DYNLT1: variants seen among roughly 807,000 people sequenced by gnomAD.
DYNLT1 encodes dynein light chain Tctex-type 1.
A neutral mutation model predicts 19.6 loss-of-function variants in DYNLT1; 18 were observed. That is an observed-to-expected ratio of 0.92 (90% CI 0.64 to 1.36). DYNLT1 has a LOEUF of 1.36. Among genes scored for constraint, DYNLT1 ranks in the 40% most tolerant of loss-of-function variants. The pLI is 0.00. For synonymous variants in DYNLT1, 56 were observed against 44.0 expected (o/e 1.27, Z -1.07); for missense variants, 137 against 139.3 (o/e 0.98, Z 0.08).
rs1422401355 is a variant in DYNLT1, at chr6:158,641,366, AG to A, written c.28-7del. 6.3e-7 allele frequency: 1 copy of A among 1,592,588 alleles called. No homozygotes were observed. On this transcript the variant is annotated splice_region_variant and splice_polypyrimidine_tract_variant and intron_variant, in intron 1 of 4. Coordinates refer to ENST00000367089, the MANE Select transcript of DYNLT1 (RefSeq NM_006519.4). ...TCATCAACAACAAAAGCAGTCTGTAAGGAAGAACATTCAGTTAAGTTTGATT... is the reference window on the plus strand; with the variant it reads ...TCATCAACAACAAAAGCAGTCTGTAAGAAGAACATTCAGTTAAGTTTGATT...
In DYNLT1 at chr6:158,641,299, G is replaced by A. The variant is rs1383408342; in HGVS notation, c.69+20C>T. ...ATATAAGCCATTAAACATTTAAGAA[G>A]TGAGCATTTCTCCTCTTACCTCTTT... On this transcript the variant is annotated intron_variant, in intron 2 of 4. Transcript: ENST00000367089. 13 of 1,581,604 alleles carry A rather than the reference G, an allele frequency of 8.2e-6. No individual in the cohort carries two copies. Among genetic ancestry groups the A allele is most frequent in the African/African-American group, 1.4e-5 (1 of 72,906 alleles).
chr6:158,644,609 C>A (rs1787307455), intron 1 of DYNLT1, 73 bp downstream of exon 1: 1 of 1,585,396 alleles, frequency 6.3e-7, no homozygotes, highest in Non-Finnish European at 8.6e-7. Context: ...CAGGCCTTTC[C>A]GGGCAGGACC....
At position 158,643,588 on chromosome 6, in the gene DYNLT1, T is replaced by G. The variant is rs142799589; in HGVS notation, c.27+1094A>C. ...CCTCTGCCTCCCAGGTTCAAGGGAT[T>G]CTCCTGCCTCGGCCTCCCGAATAGC... On this transcript the variant is annotated intron_variant, in intron 1 of 4. Coordinates refer to ENST00000367089, the MANE Select transcript of DYNLT1 (RefSeq NM_006519.4). Among the ~76,000 whole-genome samples, 21 of 152,294 alleles carry G rather than the reference T, an allele frequency of 1.4e-4. 1 individual carries two copies. The East Asian group carries it at 4.1e-3, about 29-fold the overall frequency.
chr6:158,639,774 G>C (rs1056227658), intron 2 of DYNLT1, among the ~76,000 whole-genome samples: 1 of 152,062 alleles, frequency 6.6e-6, no homozygotes, highest in Non-Finnish European at 1.5e-5. Context: ...TCCATCTCCC[G>C]GGTTCAAGCG....
Position 158,637,841 on chromosome 6 carries a change from C to T in DYNLT1, c.123G>A (p.Gln41=). ...TTTGTTCTACTACATTTGTGGTCCACTGGTTCACTTTGCTGTGTTGATAAG... is the reference window on the plus strand; with the variant it reads ...TTTGTTCTACTACATTTGTGGTCCATTGGTTCACTTTGCTGTGTTGATAAG... ...GNAYQHSKVN[Q]WTTNVVEQTL... Residue 41 remains glutamine, a synonymous_variant, in exon 3 of 5, where the codon CAG becomes CAA. Coordinates refer to ENST00000367089, the MANE Select transcript of DYNLT1 (RefSeq NM_006519.4). 8.1e-6 allele frequency: 13 copies of T among 1,611,060 alleles called. No homozygotes were observed. The highest frequency in any genetic ancestry group is 1.1e-5 in the Non-Finnish European group (13 of 1,180,038).
chr6:158,637,679 G>T (rs181399074), intron 3 of DYNLT1, 92 bp downstream of exon 3: 1 of 1,603,286 alleles, frequency 6.2e-7, no homozygotes, highest in African/African-American at 1.3e-5. Flanking sequence ...CTTGAGTTGA[G>T]CCACGTTAGC....
At chr6:158,639,641 A>G (rs996951682) in intron 2 of DYNLT1, among the ~76,000 whole-genome samples, 3 of 152,160 alleles carry the variant, frequency 2.0e-5, no homozygotes, top group Non-Finnish European at 2.9e-5. Context: ...GTAACACTGC[A>G]ATGTCACCTC....
chr6:158,644,729 T>A lies in DYNLT1; in HGVS notation c.-21A>T. ...TCCATCTTTCCTCCGGCGCGTCCCC[T>A]CCGGCTCCCTGAGTGGCGCGGACTG... On this transcript the variant is annotated 5_prime_UTR_variant, in exon 1 of 5. Coordinates refer to ENST00000367089, the MANE Select transcript of DYNLT1 (RefSeq NM_006519.4). 1.2e-6 allele frequency: 2 copies of A among 1,609,348 alleles called. No homozygotes were observed. Among genetic ancestry groups the A allele is most frequent in the Non-Finnish European group, 8.5e-7 (1 of 1,179,532 alleles).
chr6:158,644,611 G>C lies in DYNLT1; in HGVS notation c.27+71C>G, dbSNP rs991412853. 1.1e-5 allele frequency: 18 copies of C among 1,590,776 alleles called. No individual in the cohort carries two copies. In the Admixed American group the frequency reaches 1.7e-4, roughly 15 times the overall value. On this transcript the variant is annotated intron_variant, in intron 1 of 4. Transcript: ENST00000367089. The stretch of plus-strand genomic sequence containing the variant: ...GGAGGTGGGCAGCCAGGCCTTTCCG[G>C]GCAGGACCGCGTGTCCTTCCGCGGC...
At chr6:158,641,580 ATTTAT>A (rs1787136004) in intron 1 of DYNLT1, 1 of 359,732 alleles carries the variant, frequency 2.8e-6, no homozygotes, top group Non-Finnish European at 5.0e-6. Context: ...ATTTTTATTT[ATTTAT>A]TTTTGAGACG....
At chr6:158,640,279 A>G (rs187736385) in intron 2 of DYNLT1, among the ~76,000 whole-genome samples, 6 of 152,358 alleles carry the variant, frequency 3.9e-5, no homozygotes, top group African/African-American at 1.2e-4. Context: ...GATCACAAAC[A>G]TAGGTTGCGG....
Position 158,644,712 on chromosome 6 carries a change from T to G in DYNLT1, c.-4A>C, listed in dbSNP as rs778869925. The G allele has an allele frequency of 1.9e-6, 3 of 1,611,564 alleles. No homozygotes were observed. The highest frequency in any genetic ancestry group is 2.5e-6 in the Non-Finnish European group (3 of 1,179,674). ...CCGCAGCCTGGTAGTCTTCCATCTT[T>G]CCTCCGGCGCGTCCCCTCCGGCTCC... On this transcript the variant is annotated 5_prime_UTR_variant, in exon 1 of 5. Coordinates refer to ENST00000367089, the MANE Select transcript of DYNLT1 (RefSeq NM_006519.4).
chr6:158,637,000 AAG>A (rs931339159), intron 4 of DYNLT1, 103 bp from the exon 5 acceptor site: 1 of 1,540,572 alleles, frequency 6.5e-7, no homozygotes, highest in African/African-American at 1.4e-5. Context: ...ATGCTACACA[AAG>A]AACCTTGGCA....
In DYNLT1 at chr6:158,637,669, CTTGAG is replaced by C. The variant is rs781537128; in HGVS notation, c.193+97_193+101del. ...CGACCGACTCCCACCAGGAGCCTTC[CTTGAG>C]TTGAGCCACGTTAGCTGTTGTTTCT... is the stretch of plus-strand genomic sequence containing the variant. On this transcript the variant is annotated intron_variant, in intron 3 of 4. Coordinates refer to ENST00000367089, the MANE Select transcript of DYNLT1 (RefSeq NM_006519.4). The C allele has an allele frequency of 4.1e-5, 65 of 1,593,812 alleles. No individual in the cohort carries two copies. In the African/African-American group the frequency reaches 7.5e-4, roughly 18 times the overall value.
At position 158,644,674 on chromosome 6, in the gene DYNLT1, G is replaced by A. The variant is rs1177366795; in HGVS notation, c.27+8C>T. ...CCTCCACCCTTCCGTCGCCGACCCG[G>A]CGGTTACCTCCTCCGCAGCCTGGTA... On this transcript the variant is annotated splice_region_variant and intron_variant, in intron 1 of 4. Coordinates refer to ENST00000367089, the MANE Select transcript of DYNLT1 (RefSeq NM_006519.4). 2.5e-6 allele frequency: 4 copies of A among 1,612,080 alleles called. No homozygotes were observed. Among genetic ancestry groups the A allele is most frequent in the African/African-American group, 1.3e-5 (1 of 75,038 alleles).
At chr6:158,637,954 A>C (rs932164038) in intron 2 of DYNLT1, 60 bp from the exon 3 acceptor site, 1 of 1,587,980 alleles carries the variant, frequency 6.3e-7, no homozygotes, top group African/African-American at 1.3e-5. Context: ...CCACCTTTCA[A>C]TCAGGAACTG....
In DYNLT1 at chr6:158,641,309, C is replaced by A; in HGVS notation, c.69+10G>T. ...TTAAACATTTAAGAAGTGAGCATTT[C>A]TCCTCTTACCTCTTTTACAATGTTG... is the stretch of plus-strand genomic sequence containing the variant. On this transcript the variant is annotated intron_variant, in intron 2 of 4. Coordinates refer to ENST00000367089, the MANE Select transcript of DYNLT1 (RefSeq NM_006519.4). 1 of 1,588,980 alleles carries A rather than the reference C, an allele frequency of 6.3e-7. No homozygotes were observed. Among genetic ancestry groups the A allele is most frequent in the Non-Finnish European group, 8.5e-7 (1 of 1,171,502 alleles).
intron 2 of DYNLT1, among the ~76,000 whole-genome samples, chr6:158,638,620 C>G (rs1219954847): frequency 6.6e-6 from 1 of 151,998 alleles, no homozygotes; most frequent in African/African-American, 2.4e-5. Context: ...GCCACCACGC[C>G]TGGCTAGTTT....
chr6:158,644,311 GTC>G (rs1787275782), intron 1 of DYNLT1, among the ~76,000 whole-genome samples: 1 of 151,912 alleles, frequency 6.6e-6, no homozygotes, highest in African/African-American at 2.4e-5. Flanking sequence ...TGGGGCTGGG[GTC>G]AGCCCCGCAG....
Sources: gnomAD v4.1 joint callset for allele counts (sites outside exome capture counted in the v4.1 genomes callset) on GRCh38, gnomAD v4.1.1 for gene constraint, MANE v1.5 for transcripts, NCBI Gene and HGNC (gene_info 2026-07-23, HGNC 2026-07-21) for gene names.